BACH2: variants seen among roughly 807,000 people sequenced by gnomAD.
BACH2 encodes the protein transcription regulator protein BACH2.
In BACH2, 5 loss-of-function variants were observed where a neutral mutation model predicts 61.8. That is an observed-to-expected ratio of 0.08 (90% CI 0.04 to 0.17). BACH2 has a LOEUF of 0.17. Ranked by LOEUF, BACH2 falls within the 10% of genes least tolerant of loss-of-function variation. The pLI, the probability that BACH2 is intolerant of heterozygous loss-of-function variation, is 1.00. For synonymous variants in BACH2, 446 were observed against 440.1 expected, an observed-to-expected ratio of 1.01 and a Z score of -0.17; for missense variants, 824 against 1,091.1, an observed-to-expected ratio of 0.76 and a Z score of 3.45.
At position 89,968,748 on chromosome 6, in the gene BACH2, C is replaced by T. The variant is rs551331971; in HGVS notation, c.244-16886G>A. On this transcript the variant is annotated intron_variant, in intron 6 of 8. Coordinates refer to ENST00000257749, the MANE Select transcript of BACH2 (RefSeq NM_021813.4). ...GTCTTGGGCTGGGCACAGTGGTTCA[C>T]GCCTATAATCCCAGCACTTTGGGAG... 1.5e-3 allele frequency among the ~76,000 whole-genome samples: 235 copies of T among 152,324 alleles called. 2 individuals are homozygous for T. The highest frequency in any genetic ancestry group is 5.3e-3 in the African/African-American group (221 of 41,566).
chr6:90,157,536 T>TA (rs1582430098), intron 4 of BACH2, among the ~76,000 whole-genome samples: 1 of 152,258 alleles, frequency 6.6e-6, no homozygotes, highest in East Asian at 1.9e-4. Flanking sequence ...AGCTCACTGA[T>TA]ATCCTCGAGG....
chr6:90,161,755 C>T (rs1785199426), intron 4 of BACH2, among the ~76,000 whole-genome samples: 1 of 152,170 alleles, frequency 6.6e-6, no homozygotes, highest in Admixed American at 6.5e-5. Context: ...TCCACTGCAA[C>T]CTGTAACAGA....
chr6:89,991,609 A>C (rs565052933), intron 6 of BACH2, among the ~76,000 whole-genome samples: 16 of 152,294 alleles, frequency 1.1e-4, no homozygotes, highest in African/African-American at 3.8e-4. Flanking sequence ...ACATAACCAA[A>C]ATACCATTTT....
At chr6:90,099,812 A>AATATACAATTC (rs1308584204) in intron 4 of BACH2, among the ~76,000 whole-genome samples, 1 of 151,208 alleles carries the variant, frequency 6.6e-6, no homozygotes, top group African/African-American at 2.4e-5. Context: ...ACACCTTTAA[A>AATATACAATTC]ATATACAATT....
At chr6:90,262,595 C>T (rs1007392922) in intron 2 of BACH2, among the ~76,000 whole-genome samples, 1 of 152,168 alleles carries the variant, frequency 6.6e-6, no homozygotes, top group Non-Finnish European at 1.5e-5. Flanking sequence ...AGTTTGGCCT[C>T]ACAAAATTTG....
chr6:89,968,213 G>T (rs75113055), intron 6 of BACH2, among the ~76,000 whole-genome samples: 1 of 152,236 alleles, frequency 6.6e-6, no homozygotes, highest in Admixed American at 6.5e-5. Flanking sequence ...GGCAAAGGAG[G>T]TGGCAATTAA....
chr6:90,094,632 A>T (rs1214391927), intron 4 of BACH2, among the ~76,000 whole-genome samples: 1 of 152,202 alleles, frequency 6.6e-6, no homozygotes, highest in East Asian at 1.9e-4. Context: ...GGGATACAGA[A>T]TTTTTAAGCT....
intron 4 of BACH2, among the ~76,000 whole-genome samples, chr6:90,163,211 C>A (rs1767460828): frequency 6.6e-6 from 1 of 152,102 alleles, no homozygotes; most frequent in Admixed American, 6.6e-5. Flanking sequence ...CAGACATTCT[C>A]CTTCTACACA....
intron 6 of BACH2, among the ~76,000 whole-genome samples, chr6:90,007,131 A>G (rs1189958484): frequency 6.6e-6 from 1 of 151,878 alleles, no homozygotes; most frequent in African/African-American, 2.4e-5. Flanking sequence ...CTGGAGTGCA[A>G]TGGCGTGATC....
chr6:89,979,873 C>T (rs1775855323), intron 6 of BACH2, among the ~76,000 whole-genome samples: 2 of 152,192 alleles, frequency 1.3e-5, no homozygotes, highest in African/African-American at 2.4e-5. Context: ...TCCTTAGACA[C>T]TGGGCTACCG....
At chr6:89,935,637 C>T (rs1661579481) in intron 8 of BACH2, among the ~76,000 whole-genome samples, 1 of 152,208 alleles carries the variant, frequency 6.6e-6, no homozygotes, top group Admixed American at 6.5e-5. Context: ...GGTTGGAGAA[C>T]TAGATGATGC....
chr6:89,933,603 G>C (rs557764026), intron 8 of BACH2, among the ~76,000 whole-genome samples: 24 of 152,214 alleles, frequency 1.6e-4, no homozygotes, highest in African/African-American at 5.5e-4. Flanking sequence ...TGCTGACAGT[G>C]GGGGAGGCTG....
intron 1 of BACH2, among the ~76,000 whole-genome samples, chr6:90,292,347 A>C (rs968506065): frequency 1.3e-5 from 2 of 152,204 alleles, no homozygotes; most frequent in African/African-American, 2.4e-5. Flanking sequence ...CAGTAAATCA[A>C]AACTATTATT....
chr6:90,039,216 T>C (rs1779408949), intron 5 of BACH2, among the ~76,000 whole-genome samples: 1 of 152,172 alleles, frequency 6.6e-6, no homozygotes, highest in African/African-American at 2.4e-5. Context: ...TCAGTATGTG[T>C]TATTATAAAC....
chr6:90,249,633 G>A (rs1770742882), intron 3 of BACH2, among the ~76,000 whole-genome samples: 1 of 152,054 alleles, frequency 6.6e-6, no homozygotes, highest in African/African-American at 2.4e-5. Context: ...TTAGCAGGGT[G>A]TGGTGGTGCG....
At chr6:90,042,501 G>T (rs761009728) in intron 5 of BACH2, among the ~76,000 whole-genome samples, 141 of 151,984 alleles carry the variant, frequency 9.3e-4, no homozygotes, top group Non-Finnish European at 1.5e-3. Context: ...GCCCAGCCAA[G>T]AATAATCCTT....
chr6:90,062,453 T>G (rs146264944), intron 5 of BACH2, among the ~76,000 whole-genome samples: 2 of 152,314 alleles, frequency 1.3e-5, no homozygotes, highest in African/African-American at 4.8e-5. Context: ...TCGTATCCAC[T>G]TTAGGCAACT....
intron 1 of BACH2, among the ~76,000 whole-genome samples, chr6:90,276,489 C>A (rs548046892): frequency 1.7e-4 from 26 of 152,324 alleles, no homozygotes. Context: ...AATCCTAGAA[C>A]TACATTTTCA....
chr6:90,191,690 C>T (rs1318320703), intron 4 of BACH2, among the ~76,000 whole-genome samples: 2 of 152,100 alleles, frequency 1.3e-5, no homozygotes, highest in African/African-American at 4.8e-5. Context: ...GGAATAATAC[C>T]AACTACTGTG....
Sources: allele counts gnomAD v4.1 joint callset (sites outside exome capture counted in the v4.1 genomes callset), GRCh38; gene constraint gnomAD v4.1.1; transcripts MANE v1.5; gene names NCBI Gene and HGNC (gene_info 2026-07-23, HGNC 2026-07-21).